The following LIMD1 variants were observed in gnomAD, a reference collection of about 807,000 sequenced individuals.
LIMD1 encodes the protein LIM domain containing 1.
In LIMD1, 23 loss-of-function variants were observed where a neutral mutation model predicts 58.4. That is an observed-to-expected ratio of 0.39 (90% confidence interval 0.28 to 0.56). LIMD1 has a LOEUF of 0.56. Ranked by LOEUF, LIMD1 falls within the 20% of genes least tolerant of loss-of-function variation. The pLI is 0.57. For synonymous variants in LIMD1, 334 were observed against 345.5 expected (o/e 0.97, Z 0.37); for missense variants, 838 against 855.5 (o/e 0.98, Z 0.25).
chr3:45,643,836 G>A (rs1673782638), intron 2 of LIMD1, among the ~76,000 whole-genome samples: 1 of 152,200 alleles, frequency 6.6e-6, no homozygotes, highest in Non-Finnish European at 1.5e-5. Flanking sequence ...CACTTGGGAT[G>A]GTGCTGGAAT....
intron 1 of LIMD1, among the ~76,000 whole-genome samples, chr3:45,634,515 A>T (rs1206092330): frequency 6.6e-6 from 1 of 152,238 alleles, no homozygotes; most frequent in Non-Finnish European, 1.5e-5. Flanking sequence ...TGCAGGAGGC[A>T]GTAACATGAT....
At chr3:45,628,793 A>C (rs1484399137) in intron 1 of LIMD1, among the ~76,000 whole-genome samples, 1 of 152,262 alleles carries the variant, frequency 6.6e-6, no homozygotes, top group African/African-American at 2.4e-5. Context: ...TAAACAAACT[A>C]ATACATTCAT....
chr3:45,607,633 C>G (rs192908494), intron 1 of LIMD1, among the ~76,000 whole-genome samples: 43 of 152,124 alleles, frequency 2.8e-4, no homozygotes, highest in Non-Finnish European at 2.9e-5. Flanking sequence ...GCAGCTAGTT[C>G]TGGAAGGATA....
At chr3:45,674,516 G>A (rs1697641376) in intron 7 of LIMD1, 105 bp downstream of exon 7, 3 of 850,058 alleles carry the variant, frequency 3.5e-6, no homozygotes, top group East Asian at 5.2e-5. Flanking sequence ...TCTGGCAAGG[G>A]TCAGCCCTCT....
intron 2 of LIMD1, among the ~76,000 whole-genome samples, chr3:45,649,779 AT>A (rs1701947066): frequency 6.9e-6 from 1 of 145,228 alleles, no homozygotes; most frequent in Non-Finnish European, 1.5e-5. Flanking sequence ...AATTATATAT[AT>A]AAAATATATA....
intron 2 of LIMD1, among the ~76,000 whole-genome samples, chr3:45,650,002 C>T (rs1701951540): frequency 6.7e-6 from 1 of 150,300 alleles, no homozygotes; most frequent in South Asian, 2.1e-4. Context: ...CCTTGGTGTG[C>T]TTTTCATGTT....
chr3:45,652,127 A>C (rs538502543), intron 2 of LIMD1, among the ~76,000 whole-genome samples: 1 of 151,824 alleles, frequency 6.6e-6, no homozygotes, highest in Non-Finnish European at 1.5e-5. Flanking sequence ...GAGTTTTACT[A>C]TGTTGGCCAG....
chr3:45,648,296 A>G (rs757295563), intron 2 of LIMD1, among the ~76,000 whole-genome samples: 8 of 152,160 alleles, frequency 5.3e-5, no homozygotes, highest in Non-Finnish European at 8.8e-5. Flanking sequence ...TCCTATCCCT[A>G]TAGATTTGCC....
At chr3:45,656,465 A>T (rs1006480487) in intron 2 of LIMD1, among the ~76,000 whole-genome samples, 56 of 151,896 alleles carry the variant, frequency 3.7e-4, no homozygotes, top group Non-Finnish European at 6.0e-4. Flanking sequence ...AGAAAAAAAA[A>T]AAAAAGCATC....
At chr3:45,675,134 T>C (rs1697650621) in intron 7 of LIMD1, among the ~76,000 whole-genome samples, 1 of 152,198 alleles carries the variant, frequency 6.6e-6, no homozygotes, top group African/African-American at 2.4e-5. Flanking sequence ...GTGGGAATCA[T>C]TGCTGCTGGG....
intron 1 of LIMD1, among the ~76,000 whole-genome samples, chr3:45,602,726 C>CCTAT (rs1701428207): frequency 7.3e-6 from 1 of 137,250 alleles, no homozygotes; most frequent in Non-Finnish European, 1.6e-5. Context: ...TATGTACCTA[C>CCTAT]ATGTCCTATT....
intron 1 of LIMD1, among the ~76,000 whole-genome samples, chr3:45,629,995 T>TTGGGCTACAATTTGGAGAA (rs1310369728): frequency 1.3e-5 from 2 of 152,198 alleles, no homozygotes; most frequent in African/African-American, 4.8e-5. Flanking sequence ...AGAAGATTGC[T>TTGGGCTACAATTTGGAGAA]TGGGCTACAA....
At chr3:45,668,220 C>G (rs905309409) in intron 3 of LIMD1, 74 bp from the exon 4 acceptor site, 70 of 1,161,318 alleles carry the variant, frequency 6.0e-5, no homozygotes, top group Middle Eastern at 2.0e-4. Context: ...CCTTATAATC[C>G]TCTTGGCTGT....
intron 2 of LIMD1, among the ~76,000 whole-genome samples, chr3:45,660,354 G>C (rs898562797): frequency 1.3e-5 from 2 of 150,216 alleles, no homozygotes; most frequent in Non-Finnish European, 3.0e-5. Flanking sequence ...ATCAGACAGT[G>C]TGTGAATAGT....
chr3:45,626,388 A>G (rs1180378197), intron 1 of LIMD1, among the ~76,000 whole-genome samples: 2 of 152,214 alleles, frequency 1.3e-5, no homozygotes, highest in Non-Finnish European at 2.9e-5. Flanking sequence ...AGACAATGGC[A>G]TATTATTTAG....
chr3:45,610,669 G>A (rs267209), intron 1 of LIMD1, among the ~76,000 whole-genome samples: 35,430 of 152,018 alleles, frequency 0.23, 4,290 homozygotes, highest in East Asian at 0.36. Flanking sequence ...GACCTTGGGC[G>A]GGTTGTTCAG....
At chr3:45,624,158 CCAGGCTGATCTTTCTAGCATCCCTG>C (rs2125654885) in intron 1 of LIMD1, among the ~76,000 whole-genome samples, 1 of 152,318 alleles carries the variant, frequency 6.6e-6, no homozygotes, top group East Asian at 1.9e-4. Flanking sequence ...AAATTATGTT[CCAGGCTGATCTTTCTAGCATCCCTG>C]CAGATGCTGA....
intron 1 of LIMD1, among the ~76,000 whole-genome samples, chr3:45,628,929 C>G (rs1040482786): frequency 6.6e-6 from 1 of 152,222 alleles, no homozygotes; most frequent in Non-Finnish European, 1.5e-5. Flanking sequence ...AAAGTACATA[C>G]TCCAGATTCC....
chr3:45,665,193 A>G (rs776879036), intron 2 of LIMD1, among the ~76,000 whole-genome samples: 6 of 151,928 alleles, frequency 3.9e-5, no homozygotes, highest in Non-Finnish European at 7.4e-5. Context: ...ATAATAGTTA[A>G]CCAATGTATA....
Sources: gnomAD v4.1 joint callset for allele counts (sites outside exome capture counted in the v4.1 genomes callset) on GRCh38, gnomAD v4.1.1 for gene constraint, MANE v1.5 for transcripts, NCBI Gene and HGNC (gene_info 2026-07-23, HGNC 2026-07-21) for gene names.